ASCC1: variants seen among roughly 807,000 people sequenced by gnomAD.
ASCC1 encodes the protein ASC-1 complex subunit P50.
A neutral mutation model predicts 46.6 loss-of-function variants in ASCC1; 35 were observed. The observed-to-expected ratio is 0.75, with a 90% CI of 0.57 to 0.99. The LOEUF (loss-of-function observed/expected upper bound fraction) is 0.99. Among genes scored for constraint, ASCC1 ranks in the 50% least tolerant of loss-of-function variants. ASCC1 has a pLI of 0.00. For missense variants in ASCC1, 376 were observed against 428.7 expected (o/e 0.88, Z 1.09); for synonymous variants, 143 against 146.6 (o/e 0.98, Z 0.18).
chr10:72,103,058 A>G, intron 9 of ASCC1: 1 of 394,086 alleles, frequency 2.5e-6, no homozygotes, highest in Non-Finnish European at 5.0e-6. Flanking sequence ...AACAGCCAAC[A>G]TTTATTAAGT....
chr10:72,183,961 T>C (rs1482290510), intron 5 of ASCC1, among the ~76,000 whole-genome samples: 2 of 151,930 alleles, frequency 1.3e-5, no homozygotes, highest in Non-Finnish European at 2.9e-5. Context: ...CTGGCCAACA[T>C]GGTGAAACCC....
intron 9 of ASCC1, among the ~76,000 whole-genome samples, chr10:72,107,302 AC>A (rs143451737): frequency 0.4 from 57,204 of 142,442 alleles, 11,260 homozygotes; most frequent in South Asian, 0.45. Flanking sequence ...CAAATAAGTT[AC>A]CCCCCCCCCA....
intron 5 of ASCC1, among the ~76,000 whole-genome samples, chr10:72,182,004 A>T (rs541875907): frequency 6.6e-6 from 1 of 152,206 alleles, no homozygotes; most frequent in East Asian, 1.9e-4. Context: ...TCTGATACAC[A>T]TGTAATCAGG....
At chr10:72,211,803 A>T (rs967641415) in intron 2 of ASCC1, among the ~76,000 whole-genome samples, 16 of 151,990 alleles carry the variant, frequency 1.1e-4, no homozygotes, top group Admixed American at 5.9e-4. Flanking sequence ...AGCCTGGGTG[A>T]CAAAGCAAGA....
chr10:72,211,864 T>A (rs1858182738), intron 2 of ASCC1, among the ~76,000 whole-genome samples: 1 of 151,352 alleles, frequency 6.6e-6, no homozygotes, highest in Non-Finnish European at 1.5e-5. Flanking sequence ...AAAATAACAA[T>A]ACAGCAATAA....
chr10:72,158,221 C>T (rs532691992), intron 6 of ASCC1, among the ~76,000 whole-genome samples: 2 of 152,354 alleles, frequency 1.3e-5, no homozygotes, highest in African/African-American at 4.8e-5. Flanking sequence ...CAAACAATTA[C>T]ATCTGGGACA....
chr10:72,190,653 T>C, intron 5 of ASCC1: 1 of 743,652 alleles, frequency 1.3e-6, no homozygotes, highest in Middle Eastern at 3.9e-4. Context: ...GTTATTTGTC[T>C]GTTAAAGCTA....
intron 3 of ASCC1, among the ~76,000 whole-genome samples, chr10:72,205,923 G>A (rs533858270): frequency 2.2e-4 from 34 of 152,128 alleles, no homozygotes; most frequent in African/African-American, 7.7e-4. Context: ...GGCCAACGTG[G>A]TGAAACACCA....
chr10:72,156,208 C>T (rs1848935786), intron 6 of ASCC1, among the ~76,000 whole-genome samples: 1 of 152,122 alleles, frequency 6.6e-6, no homozygotes, highest in Non-Finnish European at 1.5e-5. Flanking sequence ...GTGGCACCTC[C>T]CCTGCCACTC....
intron 9 of ASCC1, among the ~76,000 whole-genome samples, chr10:72,114,945 G>A (rs1843336404): frequency 6.6e-6 from 1 of 151,984 alleles, no homozygotes; most frequent in Non-Finnish European, 1.5e-5. Flanking sequence ...TTTCAACAAA[G>A]TTTTACTTAT....
At chr10:72,167,530 A>G (rs1457137998) in intron 5 of ASCC1, among the ~76,000 whole-genome samples, 1 of 152,184 alleles carries the variant, frequency 6.6e-6, no homozygotes, top group Non-Finnish European at 1.5e-5. Context: ...ATGACTGCAC[A>G]ACTCTGTAAA....
At chr10:72,206,511 A>G (rs1214023721) in intron 3 of ASCC1, among the ~76,000 whole-genome samples, 1 of 152,200 alleles carries the variant, frequency 6.6e-6, no homozygotes, top group African/African-American at 2.4e-5. Flanking sequence ...GAGCTTCCCA[A>G]TAAGTGGCAC....
intron 8 of ASCC1, among the ~76,000 whole-genome samples, chr10:72,130,060 A>G (rs1845411456): frequency 6.6e-6 from 1 of 151,706 alleles, no homozygotes; most frequent in Non-Finnish European, 1.5e-5. Flanking sequence ...AACATGGATG[A>G]GCCTTGAAAA....
chr10:72,169,771 C>T (rs1390087911), intron 5 of ASCC1, among the ~76,000 whole-genome samples: 1 of 151,854 alleles, frequency 6.6e-6, no homozygotes, highest in Non-Finnish European at 1.5e-5. Context: ...AAAAATAAAC[C>T]CAACTGTATT....
At position 72,156,200 on chromosome 10, in the gene ASCC1, G is replaced by A. The variant is rs141326900; in HGVS notation, c.627-3212C>T. The stretch of plus-strand genomic sequence containing the variant: ...AAAATCTACTTGTTTCAAAGTGTGT[G>A]GCACCTCCCCTGCCACTCTCTGTTG... On this transcript the variant is annotated intron_variant, in intron 6 of 9. Transcript: ENST00000672957. 4.2e-3 allele frequency among the ~76,000 whole-genome samples: 637 copies of A among 152,242 alleles called. 6 individuals are homozygous for A. Among genetic ancestry groups the A allele is most frequent in the African/African-American group, 0.014 (593 of 41,552 alleles).
intron 7 of ASCC1, among the ~76,000 whole-genome samples, chr10:72,141,376 T>C (rs898126146): frequency 6.6e-6 from 1 of 152,184 alleles, no homozygotes; most frequent in Non-Finnish European, 1.5e-5. Context: ...TTCTACAGTT[T>C]ATTTTCCATC....
At chr10:72,157,427 C>T (rs1473390990) in intron 6 of ASCC1, among the ~76,000 whole-genome samples, 4 of 152,202 alleles carry the variant, frequency 2.6e-5, no homozygotes, top group African/African-American at 9.6e-5. Flanking sequence ...AGCATCACCA[C>T]ACCATTGGCT....
At chr10:72,137,735 A>C (rs1589299619) in intron 7 of ASCC1, among the ~76,000 whole-genome samples, 2 of 152,320 alleles carry the variant, frequency 1.3e-5, no homozygotes, top group East Asian at 3.9e-4. Flanking sequence ...CACGCAGATA[A>C]ACACTTAACC....
At chr10:72,208,016 G>T (rs1475098051) in intron 3 of ASCC1, among the ~76,000 whole-genome samples, 1 of 151,818 alleles carries the variant, frequency 6.6e-6, no homozygotes, top group African/African-American at 2.4e-5. Context: ...TGTAGAAACA[G>T]GGTCTCACCA....
Sources: allele counts gnomAD v4.1 joint callset (sites outside exome capture counted in the v4.1 genomes callset), GRCh38; gene constraint gnomAD v4.1.1; transcripts MANE v1.5; gene names NCBI Gene and HGNC (gene_info 2026-07-23, HGNC 2026-07-21).